Variants in PTPRG observed in about 807,000 individuals in gnomAD.
PTPRG encodes the protein protein tyrosine phosphatase receptor type G, also known as receptor-type tyrosine-protein phosphatase gamma.
In PTPRG, 102 loss-of-function variants were observed where a neutral mutation model predicts 165.3. The ratio of observed to expected loss-of-function variants is 0.62; its 90% CI spans 0.53 to 0.73. The LOEUF (loss-of-function observed/expected upper bound fraction) is 0.73, where lower values mean the gene tolerates loss of function less well. Among genes scored for constraint, PTPRG ranks in the 30% least tolerant of loss-of-function variants. The pLI is 0.00. For synonymous variants in PTPRG, 675 were observed against 669.5 expected (o/e 1.01, Z -0.13); for missense variants, 1,866 against 1,861.4 (o/e 1.00, Z -0.05).
At chr3:61,953,234 C>T (rs931871201) in intron 2 of PTPRG, among the ~76,000 whole-genome samples, 1 of 152,074 alleles carries the variant, frequency 6.6e-6, no homozygotes, top group Non-Finnish European at 1.5e-5. Context: ...GCTTTTCTTG[C>T]CCCCAGCTAA....
intron 7 of PTPRG, among the ~76,000 whole-genome samples, chr3:62,158,097 C>T (rs901747060): frequency 2.6e-5 from 4 of 152,080 alleles, no homozygotes; most frequent in Non-Finnish European, 5.9e-5. Flanking sequence ...CATGGGAAGG[C>T]ATGATTTAGG....
chr3:61,661,948 A>T (rs1346965757), intron 1 of PTPRG, among the ~76,000 whole-genome samples: 1 of 152,028 alleles, frequency 6.6e-6, no homozygotes, highest in Non-Finnish European at 1.5e-5. Context: ...CTCATCAAGT[A>T]TTTTTTTTCT....
intron 2 of PTPRG, among the ~76,000 whole-genome samples, chr3:61,848,323 C>A (rs1188352531): frequency 6.6e-6 from 1 of 152,202 alleles, no homozygotes; most frequent in Non-Finnish European, 1.5e-5. Context: ...GCAGTCTTTG[C>A]CCTAGGCAGG....
chr3:62,274,399 G>GA (rs1372326924), intron 23 of PTPRG, among the ~76,000 whole-genome samples: 2 of 152,106 alleles, frequency 1.3e-5, no homozygotes, highest in Admixed American at 1.3e-4. Context: ...AAGTGAAGGT[G>GA]AAAAAGAGAG....
rs1559627755 is a variant in PTPRG, at chr3:62,191,634, A to T, written c.1199A>T (p.Lys400Met). Residue 400 changes from lysine (K) to methionine (M), a missense_variant, in exon 9 of 30, where the codon AAG becomes ATG. Around this residue, in one of 3 missense-constraint regions of PTPRG, gnomAD observed 1,452 missense variants for 1,463.0 expected, o/e 0.99. Transcript: ENST00000474889. ...NEDEKEKTFTKDSDKDLKATI... is the reference protein window; with the variant it reads ...NEDEKEKTFTMDSDKDLKATI... Reference sequence around the variant, plus strand: ...GACGAGAAGGAGAAGACGTTTACAAAGGACAGCGACAAAGACTTGGTATGA... The same window carrying T: ...GACGAGAAGGAGAAGACGTTTACAATGGACAGCGACAAAGACTTGGTATGA... 6.8e-6 allele frequency: 11 copies of T among 1,614,156 alleles called. No individual in the cohort carries two copies. Among genetic ancestry groups the T allele is most frequent in the Non-Finnish European group, 7.6e-6 (9 of 1,179,996 alleles).
intron 2 of PTPRG, among the ~76,000 whole-genome samples, chr3:61,759,756 A>G (rs892612303): frequency 3.9e-5 from 6 of 152,006 alleles, no homozygotes; most frequent in African/African-American, 9.7e-5. Flanking sequence ...CTCCTGTGAT[A>G]CAAATATTTG....
rs577228834 is a variant in PTPRG at position 61,833,857 on chromosome 3, G to A, written c.190+84875G>A. ...TAGGATTACAGGCGTGAGCCACCGCGCCCAGCCGTGTTGAAGTGTTTTCTA... is the reference window on the plus strand; with the variant it reads ...TAGGATTACAGGCGTGAGCCACCGCACCCAGCCGTGTTGAAGTGTTTTCTA... On this transcript the variant is annotated intron_variant, in intron 2 of 29. Coordinates refer to ENST00000474889, the MANE Select transcript of PTPRG (RefSeq NM_002841.4). 7.9e-5 allele frequency among the ~76,000 whole-genome samples: 12 copies of A among 152,248 alleles called. No homozygotes were observed. The South Asian group carries it at 2.3e-3, about 29-fold the overall frequency.
chr3:62,023,859 G>A (rs2041751907), intron 4 of PTPRG, among the ~76,000 whole-genome samples: 1 of 152,130 alleles, frequency 6.6e-6, no homozygotes, highest in Non-Finnish European at 1.5e-5. Context: ...AAATGCTCAT[G>A]AGAACATGAG....
chr3:62,083,846 G>A (rs528867131), intron 5 of PTPRG, among the ~76,000 whole-genome samples: 1 of 152,252 alleles, frequency 6.6e-6, no homozygotes, highest in South Asian at 2.1e-4. Context: ...CTTCTTAATG[G>A]ATTTCAGTCA....
intron 8 of PTPRG, among the ~76,000 whole-genome samples, chr3:62,169,878 G>A (rs182743659): frequency 1.6e-3 from 244 of 152,260 alleles, no homozygotes; most frequent in African/African-American, 5.5e-3. Context: ...TATGGACTTT[G>A]TAGGAACAGG....
At chr3:62,148,805 C>T (rs1704216273) in intron 6 of PTPRG, among the ~76,000 whole-genome samples, 1 of 152,044 alleles carries the variant, frequency 6.6e-6, no homozygotes, top group South Asian at 2.1e-4. Flanking sequence ...AAATAGTTGC[C>T]TAGTCTTCAG....
At chr3:62,269,446 G>T (rs1701990459) in intron 20 of PTPRG, among the ~76,000 whole-genome samples, 1 of 152,188 alleles carries the variant, frequency 6.6e-6, no homozygotes, top group East Asian at 1.9e-4. Context: ...GTAATACTCA[G>T]CAAATATGGC....
chr3:62,215,380 A>G (rs1700471605), intron 12 of PTPRG, among the ~76,000 whole-genome samples: 1 of 152,172 alleles, frequency 6.6e-6, no homozygotes, highest in Non-Finnish European at 1.5e-5. Flanking sequence ...AAGCCAATGA[A>G]ACTGCCTGCC....
Position 62,216,093 on chromosome 3 carries a change from C to G in PTPRG, c.2156-2758C>G, listed in dbSNP as rs1700496165. On this transcript the variant is annotated intron_variant, in intron 12 of 29. Coordinates refer to ENST00000474889, the MANE Select transcript of PTPRG (RefSeq NM_002841.4). ...ATTGGCCAGGCGTGGTGGCACACAC[C>G]TGTAATTCCAGGTACTTGGAGGGCT... 2.0e-5 allele frequency among the ~76,000 whole-genome samples: 3 copies of G among 151,970 alleles called. No individual in the cohort carries two copies. In the South Asian group the frequency reaches 6.2e-4, roughly 32 times the overall value.
intron 1 of PTPRG, among the ~76,000 whole-genome samples, chr3:61,604,091 G>C (rs900261561): frequency 6.6e-6 from 1 of 152,188 alleles, no homozygotes; most frequent in African/African-American, 2.4e-5. Flanking sequence ...TTGGGAGGCC[G>C]AGGTGGCAGA....
chr3:61,653,053 C>T lies in PTPRG; in HGVS notation c.85+90681C>T, dbSNP rs1018536982. On this transcript the variant is annotated intron_variant, in intron 1 of 29. Coordinates refer to ENST00000474889, the MANE Select transcript of PTPRG (RefSeq NM_002841.4). ...TTCATTGCAGAACATTTTATAAGTA[C>T]ATATAAGATAAGGGAAAAGTAATTT... 2.6e-5 allele frequency among the ~76,000 whole-genome samples: 4 copies of T among 151,968 alleles called. No homozygotes were observed. The East Asian group carries it at 5.8e-4, about 22-fold the overall frequency.
intron 1 of PTPRG, among the ~76,000 whole-genome samples, chr3:61,666,528 G>T (rs182341506): frequency 3.3e-5 from 5 of 152,308 alleles, no homozygotes; most frequent in African/African-American, 9.6e-5. Context: ...TCTAGCAATG[G>T]AAGAAAGGAA....
At chr3:61,638,557 T>C (rs1471581683) in intron 1 of PTPRG, among the ~76,000 whole-genome samples, 2 of 148,072 alleles carry the variant, frequency 1.4e-5, no homozygotes, top group African/African-American at 5.0e-5. Flanking sequence ...CCCAAGTAGC[T>C]GGGACTACAG....
At chr3:61,998,340 G>A (rs1301676660) in intron 3 of PTPRG, among the ~76,000 whole-genome samples, 1 of 152,176 alleles carries the variant, frequency 6.6e-6, no homozygotes, top group Admixed American at 6.5e-5. Flanking sequence ...CCTTCCCTAG[G>A]ATAATAACCT....
Sources: gnomAD v4.1 joint callset for allele counts (sites outside exome capture counted in the v4.1 genomes callset) on GRCh38, gnomAD v4.1.1 for gene constraint, gnomAD v4.1.1 regional missense constraint, MANE v1.5 for transcripts, NCBI Gene and HGNC (gene_info 2026-07-23, HGNC 2026-07-21) for gene names.